FXN: variants seen among roughly 807,000 people sequenced by gnomAD.
The protein encoded by FXN is frataxin, mitochondrial.
In FXN, 14 loss-of-function variants were observed where a neutral mutation model predicts 22.4. That is an observed-to-expected ratio of 0.62 (90% CI 0.41 to 0.98). FXN has a LOEUF of 0.98. Among genes scored for constraint, FXN ranks in the 50% least tolerant of loss-of-function variants. The pLI, the probability that FXN is intolerant of heterozygous loss-of-function variation, is 0.00. For missense variants in FXN, 267 were observed against 268.4 expected (o/e 0.99, Z 0.04); for synonymous variants, 120 against 114.1 (o/e 1.05, Z -0.33).
At position 69,074,220 on chromosome 9, in the gene FXN, TC is replaced by T. The variant is rs1407869568; in HGVS notation, c.*1460del. The T allele has an allele frequency of 1.1e-6, 1 of 942,250 alleles. No individual in the cohort carries two copies. Among genetic ancestry groups the T allele is most frequent in the African/African-American group, 1.8e-5 (1 of 56,252 alleles). 58.4% of individuals were successfully genotyped at this position (942,250 alleles called of 1,614,324 possible). ...AACAATATAATAATAATAATAGCCA[TC>T]CTTTATTGTACCCTTACTGGGTTAA... On this transcript the variant is annotated 3_prime_UTR_variant, in exon 5 of 5. Coordinates refer to ENST00000484259, the MANE Select transcript of FXN (RefSeq NM_000144.5).
chr9:69,071,209 G>A (rs528409501), intron 4 of FXN: 58 of 518,982 alleles, frequency 1.1e-4, no homozygotes, highest in Middle Eastern at 3.2e-4. Flanking sequence ...CCAAGGGGAC[G>A]GTCCTTGGGC....
At chr9:69,053,477 A>G (rs991684865) in intron 3 of FXN, among the ~76,000 whole-genome samples, 4 of 147,044 alleles carry the variant, frequency 2.7e-5, no homozygotes, top group African/African-American at 1.0e-4. Context: ...TCATAGATGG[A>G]TGGATGGATG....
At chr9:69,053,105 G>T in intron 2 of FXN, 35 bp from the exon 3 acceptor site, 2 of 1,609,600 alleles carry the variant, frequency 1.2e-6, no homozygotes, top group Non-Finnish European at 1.7e-6. Flanking sequence ...GAAGCATTTG[G>T]TAATCATGTT....
Position 69,076,688 on chromosome 9 carries a change from G to C in FXN, c.*3926G>C, listed in dbSNP as rs922921586. On this transcript the variant is annotated 3_prime_UTR_variant, in exon 5 of 5. Transcript: ENST00000484259. ...AGTTTGTGTGGACTAACCATGCAAG[G>C]TTGCCAAGGAAAAATCGCTTTACGC... The C allele has an allele frequency of 1.0e-5, 10 of 985,278 alleles. No homozygotes were observed. The African/African-American group carries it at 1.6e-4, about 15-fold the overall frequency. The allele number at this position is 985,278 out of a possible 1,614,324, so 61.0% of individuals were successfully genotyped here. A position where few individuals can be genotyped will look rare whatever the true frequency, so the allele number is the denominator to read the frequency against.
Position 69,059,391 on chromosome 9 carries a change from CTTTTTTTTT to C in FXN, c.385-5528_385-5520del, listed in dbSNP as rs35159671. On this transcript the variant is annotated intron_variant, in intron 3 of 4. Transcript: ENST00000484259. ...AAAAACCCCTGCTCAGAGGCAGCATCTTTTTTTTTTTTTTTTTTTTTTTTTTTGAGAGAG... is the reference window on the plus strand; with the variant it reads ...AAAAACCCCTGCTCAGAGGCAGCATCTTTTTTTTTTTTTTTTTTGAGAGAG... Among the ~76,000 whole-genome samples, 28 of 62,996 alleles carry C rather than the reference CTTTTTTTTT, an allele frequency of 4.4e-4. 1 individual carries two copies. The highest frequency in any genetic ancestry group is 9.5e-4 in the African/African-American group (14 of 14,712). The allele number at this position is 62,996 out of a possible 152,430, so 41.3% of individuals were successfully genotyped here.
At chr9:69,069,821 A>G (rs1832241437) in intron 4 of FXN, among the ~76,000 whole-genome samples, 1 of 152,226 alleles carries the variant, frequency 6.6e-6, no homozygotes, top group Non-Finnish European at 1.5e-5. Context: ...AGCAGAGACT[A>G]AGCAAGGTGC....
chr9:69,064,891 T>G, intron 3 of FXN, 47 bp from the exon 4 acceptor site: 2 of 1,219,432 alleles, frequency 1.6e-6, no homozygotes, highest in African/African-American at 3.0e-5. Flanking sequence ...GTGCTAACTT[T>G]TTCTTGTTTT....
chr9:69,065,431 C>G (rs1832151465), intron 4 of FXN, among the ~76,000 whole-genome samples: 1 of 151,384 alleles, frequency 6.6e-6, no homozygotes, highest in African/African-American at 2.4e-5. Flanking sequence ...GTCCCAACTA[C>G]TTGGAAGGCT....
intron 3 of FXN, among the ~76,000 whole-genome samples, chr9:69,062,629 C>A (rs977475110): frequency 2.6e-5 from 4 of 151,964 alleles, no homozygotes; most frequent in African/African-American, 9.7e-5. Context: ...CACAGAAACA[C>A]CACCATAAAT....
chr9:69,068,117 C>T (rs1187388252), intron 4 of FXN, among the ~76,000 whole-genome samples: 3 of 152,122 alleles, frequency 2.0e-5, no homozygotes, highest in Non-Finnish European at 4.4e-5. Context: ...AAATTGGTAA[C>T]GAGCCTCAGA....
At chr9:69,036,964 A>G (rs1286492387) in intron 1 of FXN, among the ~76,000 whole-genome samples, 1 of 152,122 alleles carries the variant, frequency 6.6e-6, no homozygotes, top group African/African-American at 2.4e-5. Context: ...GGTACGCCGC[A>G]TGTATTAGGG....
At chr9:69,046,205 G>A (rs1488016510) in intron 1 of FXN, among the ~76,000 whole-genome samples, 180 bp from the exon 2 acceptor site, 1 of 152,212 alleles carries the variant, frequency 6.6e-6, no homozygotes, top group South Asian at 2.1e-4. Flanking sequence ...AACCAGGGGA[G>A]AGGAGAAGAG....
chr9:69,066,869 A>AAT lies in FXN; in HGVS notation c.482+1849_482+1850dup, dbSNP rs1554762061. ...GATACTATCTTCCTCAAAAAAAAAA[A>AAT]ATATATATATATATATGGGGGACGG... On this transcript the variant is annotated intron_variant, in intron 4 of 4. Transcript: ENST00000484259. Among the ~76,000 whole-genome samples the AAT allele has an allele frequency of 4.4e-3, 638 of 144,870 alleles. 2 individuals are homozygous for AAT. Among genetic ancestry groups the AAT allele is most frequent in the African/African-American group, 0.013 (515 of 39,850 alleles).
At position 69,075,608 on chromosome 9, in the gene FXN, AT is replaced by A. The variant is rs1832351779; in HGVS notation, c.*2849del. 6 of 985,212 alleles carry A rather than the reference AT, an allele frequency of 6.1e-6. No homozygotes were observed. The highest frequency in any genetic ancestry group is 7.2e-6 in the Non-Finnish European group (6 of 829,866). 61.0% of individuals were successfully genotyped at this position (985,212 alleles called of 1,614,324 possible). On this transcript the variant is annotated 3_prime_UTR_variant, in exon 5 of 5. Coordinates refer to ENST00000484259, the MANE Select transcript of FXN (RefSeq NM_000144.5). ...CCACAGACCCTGGGAGCATCGCCTC[AT>A]TTATGGTGTGGTCCAGTCATCCATG...
In FXN at chr9:69,074,466, G is replaced by A; in HGVS notation, c.*1704G>A. On this transcript the variant is annotated 3_prime_UTR_variant, in exon 5 of 5. Coordinates refer to ENST00000484259, the MANE Select transcript of FXN (RefSeq NM_000144.5). ...GGAGAATTGCTTGACCCCAGGCGGA[G>A]GAGGTTACAGTGAGTCGAGATCGTA... is the stretch of plus-strand genomic sequence containing the variant. The A allele has an allele frequency of 1.0e-6, 1 of 979,868 alleles. No individual in the cohort carries two copies. The highest frequency in any genetic ancestry group is 1.2e-6 in the Non-Finnish European group (1 of 825,160). 60.7% of individuals were successfully genotyped at this position (979,868 alleles called of 1,614,324 possible).
At chr9:69,037,338 C>T (rs1413220297) in intron 1 of FXN, among the ~76,000 whole-genome samples, 3 of 145,634 alleles carry the variant, frequency 2.1e-5, no homozygotes, top group Non-Finnish European at 4.6e-5. Context: ...TGGTGTCGCG[C>T]GCCTGTAATC....
intron 1 of FXN, among the ~76,000 whole-genome samples, chr9:69,042,608 G>T (rs1291732017): frequency 1.3e-5 from 2 of 152,178 alleles, no homozygotes; most frequent in Non-Finnish European, 1.5e-5. Flanking sequence ...AACAGCCGAA[G>T]AAAGACTTCT....
rs1832402387 is a variant in FXN at position 69,078,009 on chromosome 9, C to T, written c.*5247C>T. On this transcript the variant is annotated 3_prime_UTR_variant, in exon 5 of 5. Coordinates refer to ENST00000484259, the MANE Select transcript of FXN (RefSeq NM_000144.5). Reference sequence around the variant, plus strand: ...TAGAAAAATAAGACAATATCATTTCCCAATTACATTCCTTTCCTACCGCAC... The same window carrying T: ...TAGAAAAATAAGACAATATCATTTCTCAATTACATTCCTTTCCTACCGCAC... 15 of 985,192 alleles carry T rather than the reference C, an allele frequency of 1.5e-5. No individual in the cohort carries two copies. Among genetic ancestry groups the T allele is most frequent in the Non-Finnish European group, 1.8e-5 (15 of 829,878 alleles). The allele number at this position is 985,192 out of a possible 1,614,324, so 61.0% of individuals were successfully genotyped here.
chr9:69,069,713 G>A (rs1213803669), intron 4 of FXN, among the ~76,000 whole-genome samples: 19 of 152,232 alleles, frequency 1.2e-4, no homozygotes, highest in Admixed American at 1.2e-3. Context: ...AGCTCCTGAG[G>A]CTGCAGCTGA....
Sources: gnomAD v4.1 joint callset for allele counts (sites outside exome capture counted in the v4.1 genomes callset) on GRCh38, gnomAD v4.1.1 for gene constraint, MANE v1.5 for transcripts, NCBI Gene and HGNC (gene_info 2026-07-23, HGNC 2026-07-21) for gene names.